FHIT: variants seen among roughly 807,000 people sequenced by gnomAD.
The protein encoded by FHIT is bis(5'-adenosyl)-triphosphatase.
Under a neutral mutation model 17.9 loss-of-function variants are expected in FHIT, and 19 were observed. The ratio of observed to expected loss-of-function variants is 1.06; its 90% confidence interval spans 0.74 to 1.56. The LOEUF is 1.56. Ranked by LOEUF, FHIT falls within the 40% of genes most tolerant of loss-of-function variation. The pLI is 0.00. For missense variants in FHIT, 248 were observed against 189.2 expected (o/e 1.31, Z -1.82); for synonymous variants, 81 against 69.7 (o/e 1.16, Z -0.81).
chr3:60,865,632 T>C (rs1553753683), intron 3 of FHIT, among the ~76,000 whole-genome samples: 1 of 152,134 alleles, frequency 6.6e-6, no homozygotes, highest in Admixed American at 6.6e-5. Flanking sequence ...AGCCAGTTTG[T>C]ATTAGGCCCC....
chr3:60,370,216 AT>A (rs11298084), intron 5 of FHIT, among the ~76,000 whole-genome samples: 152,333 of 152,334 alleles, frequency 1, 76,166 homozygotes, highest in Non-Finnish European at 1. Context: ...GCCAAGATTC[AT>A]AAATACACTT....
rs141972733 is a variant in FHIT at position 60,520,137 on chromosome 3, A to T, written c.103+16723T>A. The stretch of plus-strand genomic sequence containing the variant: ...GTGTTTGTGTGCCTACGTTTCGATA[A>T]ATTTTAGGCTTGTTTGTGTTTATGG... On this transcript the variant is annotated intron_variant, in intron 5 of 9. Transcript: ENST00000492590. Among the ~76,000 whole-genome samples the T allele has an allele frequency of 1.8e-3, 274 of 152,238 alleles. 1 individual carries two copies. The highest frequency in any genetic ancestry group is 6.4e-3 in the African/African-American group (267 of 41,528).
intron 1 of FHIT, among the ~76,000 whole-genome samples, chr3:61,213,350 G>T (rs1236168974): frequency 1.3e-5 from 2 of 152,170 alleles, no homozygotes; most frequent in African/African-American, 4.8e-5. Flanking sequence ...GGCAGGGGTT[G>T]CAGTCCTACT....
chr3:61,134,215 A>G (rs933570394), intron 2 of FHIT, among the ~76,000 whole-genome samples: 21 of 152,102 alleles, frequency 1.4e-4, no homozygotes, highest in Non-Finnish European at 2.9e-5. Flanking sequence ...TTGGCTCATA[A>G]GCCTCAGAAA....
chr3:60,699,074 C>A (rs1409493627), intron 4 of FHIT, among the ~76,000 whole-genome samples: 2 of 152,082 alleles, frequency 1.3e-5, no homozygotes, highest in Non-Finnish European at 2.9e-5. Flanking sequence ...ATTTTCATTA[C>A]ACCTTTTAAA....
At chr3:60,436,448 A>G (rs1272931179) in intron 5 of FHIT, among the ~76,000 whole-genome samples, 1 of 152,152 alleles carries the variant, frequency 6.6e-6, no homozygotes, top group African/African-American at 2.4e-5. Flanking sequence ...TGTGCCCATC[A>G]TGCCAGCCAC....
chr3:59,911,008 T>A (rs1410004048), intron 8 of FHIT, among the ~76,000 whole-genome samples: 1 of 152,102 alleles, frequency 6.6e-6, no homozygotes, highest in Non-Finnish European at 1.5e-5. Flanking sequence ...TAACAACAGG[T>A]ATACTACAGT....
rs572188635 is a variant in FHIT, at chr3:60,435,268, A to G, written c.103+101592T>C. Among the ~76,000 whole-genome samples, 3 of 152,320 alleles carry G rather than the reference A, an allele frequency of 2.0e-5. No individual in the cohort carries two copies. In the South Asian group the frequency reaches 6.2e-4, roughly 32 times the overall value. Reference sequence around the variant, plus strand: ...TGTAATAGAAAAAGTATGCAAATAGAGCCACCAACATTACTAGGGAGTCTA... The same window carrying G: ...TGTAATAGAAAAAGTATGCAAATAGGGCCACCAACATTACTAGGGAGTCTA... On this transcript the variant is annotated intron_variant, in intron 5 of 9. Transcript: ENST00000492590.
chr3:60,751,125 C>T (rs909298793), intron 4 of FHIT, among the ~76,000 whole-genome samples: 43 of 152,242 alleles, frequency 2.8e-4, no homozygotes, highest in African/African-American at 9.6e-4. Context: ...CCAGGTAAGT[C>T]GAGAGTGGTT....
chr3:60,091,623 G>C (rs1246948727), intron 5 of FHIT, among the ~76,000 whole-genome samples: 1 of 152,112 alleles, frequency 6.6e-6, no homozygotes, highest in African/African-American at 2.4e-5. Context: ...TTGGAAGTGG[G>C]GCACGGTGAG....
intron 3 of FHIT, among the ~76,000 whole-genome samples, chr3:60,904,929 A>G (rs1024698585): frequency 6.7e-5 from 8 of 118,862 alleles, no homozygotes; most frequent in East Asian, 5.1e-4. Context: ...ACAGAACGAG[A>G]CTTGGTCTAA....
intron 8 of FHIT, among the ~76,000 whole-genome samples, chr3:59,814,084 G>C (rs76283412): frequency 0.015 from 1,988 of 130,850 alleles, 51 homozygotes; most frequent in African/African-American, 0.057. Flanking sequence ...ACCCGACGGT[G>C]AATTATTCAG....
intron 5 of FHIT, among the ~76,000 whole-genome samples, chr3:60,329,668 T>A (rs1197757571): frequency 6.6e-6 from 1 of 152,204 alleles, no homozygotes; most frequent in Admixed American, 6.5e-5. Context: ...TCTGCATTCC[T>A]GCCTTTTCTC....
intron 4 of FHIT, among the ~76,000 whole-genome samples, chr3:60,650,048 G>A (rs2039955433): frequency 2.0e-5 from 3 of 152,104 alleles, no homozygotes; most frequent in Admixed American, 2.0e-4. Context: ...TATGTTCTGG[G>A]GGCCAGAAAA....
intron 8 of FHIT, among the ~76,000 whole-genome samples, chr3:59,791,499 A>G (rs186017325): frequency 6.6e-6 from 1 of 152,292 alleles, no homozygotes; most frequent in Admixed American, 6.5e-5. Context: ...CTGAATCAAC[A>G]ATACTATTAG....
In FHIT at chr3:59,972,892, T is replaced by C. The variant is rs371925843; in HGVS notation, c.279+38479A>G. Among the ~76,000 whole-genome samples, 38 of 152,200 alleles carry C rather than the reference T, an allele frequency of 2.5e-4. No homozygotes were observed. In the South Asian group the frequency reaches 5.4e-3, roughly 22 times the overall value. ...AGTGCTTTCATCAAATTGATCTACA[T>C]GTTGCTCTTCAGTCACAGGCTCCCT... On this transcript the variant is annotated intron_variant, in intron 7 of 9. Transcript: ENST00000492590.
chr3:60,652,589 T>C (rs373941856), intron 4 of FHIT, among the ~76,000 whole-genome samples: 53 of 151,952 alleles, frequency 3.5e-4, no homozygotes, highest in African/African-American at 1.2e-3. Context: ...ATTAGTCAGG[T>C]GTGGTGGCAG....
chr3:60,609,614 C>T (rs541807331), intron 4 of FHIT, among the ~76,000 whole-genome samples: 2 of 152,164 alleles, frequency 1.3e-5, no homozygotes, highest in East Asian at 1.9e-4. Context: ...CATGAGCCAC[C>T]GCGCCCAGCC....
At chr3:61,135,657 T>G (rs556432830) in intron 2 of FHIT, among the ~76,000 whole-genome samples, 229 of 152,256 alleles carry the variant, frequency 1.5e-3, no homozygotes, top group African/African-American at 5.3e-3. Flanking sequence ...CTGGTTTTAC[T>G]AGAGAATTTA....
Sources: allele counts gnomAD v4.1 joint callset (sites outside exome capture counted in the v4.1 genomes callset), GRCh38; gene constraint gnomAD v4.1.1; transcripts MANE v1.5; gene names NCBI Gene and HGNC (gene_info 2026-07-23, HGNC 2026-07-21).